DNMBP: variants seen among roughly 807,000 people sequenced by gnomAD.
The protein encoded by DNMBP is dynamin binding protein, also known as dynamin-binding protein.
In DNMBP, 87 loss-of-function variants were observed where a neutral mutation model predicts 150.0. The ratio of observed to expected loss-of-function variants is 0.58; its 90% confidence interval spans 0.49 to 0.69. The LOEUF (loss-of-function observed/expected upper bound fraction) is 0.69, where lower values mean the gene tolerates loss of function less well. Ranked by LOEUF, DNMBP falls within the 30% of genes least tolerant of loss-of-function variation. The pLI, the probability that DNMBP is intolerant of heterozygous loss-of-function variation, is 0.00. For missense variants in DNMBP, 1,774 were observed against 1,949.0 expected (o/e 0.91, Z 1.69); for synonymous variants, 711 against 750.4 (o/e 0.95, Z 0.86).
intron 4 of DNMBP, among the ~76,000 whole-genome samples, chr10:99,953,059 T>C (rs1266981888): frequency 6.6e-6 from 1 of 152,206 alleles, no homozygotes; most frequent in East Asian, 1.9e-4. Flanking sequence ...CTACCTCTTG[T>C]ACTCTTCCTA....
intron 12 of DNMBP, among the ~76,000 whole-genome samples, chr10:99,887,112 G>A (rs899597899): frequency 7.0e-4 from 104 of 148,178 alleles, no homozygotes; most frequent in Admixed American, 3.8e-3. Context: ...TTTTTGAGAC[G>A]GAGTCTTGCT....
chr10:99,957,364 G>A, intron 3 of DNMBP, 159 bp from the exon 4 acceptor site: 1 of 693,480 alleles, frequency 1.4e-6, no homozygotes, highest in Non-Finnish European at 2.4e-6. Flanking sequence ...TATTGAATTG[G>A]AGCAGTTCTA....
chr10:99,895,121 G>GTTTT, intron 10 of DNMBP, 71 bp from the exon 11 acceptor site: 3 of 632,810 alleles, frequency 4.7e-6, no homozygotes, highest in Non-Finnish European at 7.1e-6. Flanking sequence ...AAAGTAGCTT[G>GTTTT]CTTTTTTTTT....
At chr10:99,916,083 A>G (rs1196991284) in intron 4 of DNMBP, among the ~76,000 whole-genome samples, 1 of 152,264 alleles carries the variant, frequency 6.6e-6, no homozygotes, top group Non-Finnish European at 1.5e-5. Context: ...TTTGCCCACA[A>G]TAAGACTGTG....
At position 99,909,205 on chromosome 10, in the gene DNMBP, A is replaced by G. The variant is rs2039870624; in HGVS notation, c.2261-59T>C. The G allele has an allele frequency of 2.1e-6, 3 of 1,400,120 alleles. No homozygotes were observed. The South Asian group carries it at 3.9e-5, about 18-fold the overall frequency. 86.7% of individuals were successfully genotyped at this position (1,400,120 alleles called of 1,614,324 possible). A position where few individuals can be genotyped will look rare whatever the true frequency, so the allele number is the denominator to read the frequency against. On this transcript the variant is annotated intron_variant, in intron 4 of 16. Coordinates refer to ENST00000324109, the MANE Select transcript of DNMBP (RefSeq NM_015221.4). ...GGGTGTAAAAGCAGCACCCTTCCACAGTTTGAGGCAAACAGAACCCATTTC... is the reference window on the plus strand; with the variant it reads ...GGGTGTAAAAGCAGCACCCTTCCACGGTTTGAGGCAAACAGAACCCATTTC...
At chr10:99,973,750 C>T (rs936697087) in intron 1 of DNMBP, among the ~76,000 whole-genome samples, 15 of 152,156 alleles carry the variant, frequency 9.9e-5, no homozygotes, top group South Asian at 6.2e-4. Context: ...GAGGCCAAGG[C>T]GGGCAGATCA....
intron 1 of DNMBP, among the ~76,000 whole-genome samples, chr10:100,009,004 G>A (rs2133399451): frequency 6.6e-6 from 1 of 152,292 alleles, no homozygotes; most frequent in East Asian, 1.9e-4. Flanking sequence ...TTTAATACAA[G>A]ATCTTCATGT....
intron 4 of DNMBP, among the ~76,000 whole-genome samples, chr10:99,911,280 T>A (rs533467053): frequency 1.3e-5 from 2 of 152,026 alleles, no homozygotes; most frequent in South Asian, 4.2e-4. Flanking sequence ...TTTGGGAGTC[T>A]GAGGCTGAGG....
intron 15 of DNMBP, 45 bp downstream of exon 15, chr10:99,883,966 A>ATT (rs112408258): frequency 2.0e-5 from 29 of 1,417,282 alleles, no homozygotes; most frequent in African/African-American, 4.4e-5. Flanking sequence ...CAAAACTACT[A>ATT]TTTTTTTTTT....
chr10:100,008,779 T>C (rs12245488), intron 1 of DNMBP, among the ~76,000 whole-genome samples: 1,871 of 152,278 alleles, frequency 0.012, 35 homozygotes, highest in African/African-American at 0.041. Flanking sequence ...TCGGTATTCA[T>C]GCTGTGAAAG....
chr10:99,887,251 C>T (rs536576885), intron 12 of DNMBP, among the ~76,000 whole-genome samples: 1 of 152,212 alleles, frequency 6.6e-6, no homozygotes, highest in Admixed American at 6.5e-5. Context: ...GAATTTTTCT[C>T]TTGGTTGGGA....
In DNMBP at chr10:99,969,234, T is replaced by G; in HGVS notation, c.149A>C (p.Gln50Pro). The G allele has an allele frequency of 6.2e-7, 1 of 1,613,964 alleles. No individual in the cohort carries two copies. The highest frequency in any genetic ancestry group is 8.5e-7 in the Non-Finnish European group (1 of 1,179,912). ...LLGKKEDVTG[Q>P]FPSSFVEIVT... ...AATTTCCACAAAACTGCTGGGGAAT[T>G]GTCCTGAAAATAAAAGCAAACATAT... is the stretch of plus-strand genomic sequence containing the variant. The change falls in exon 3 of 17, where the codon CAA becomes CCA. Residue 50 changes from glutamine (Q) to proline (P), a missense_variant. Around this residue, in one of 2 missense-constraint regions of DNMBP, gnomAD observed 344 missense variants for 456.6 expected, o/e 0.75. Coordinates refer to ENST00000324109, the MANE Select transcript of DNMBP (RefSeq NM_015221.4).
chr10:100,008,090 C>T (rs908192460), intron 1 of DNMBP, among the ~76,000 whole-genome samples: 2 of 152,066 alleles, frequency 1.3e-5, no homozygotes, highest in African/African-American at 4.8e-5. Flanking sequence ...AGAAAATAAG[C>T]CAAAAGCCAG....
At chr10:99,945,841 C>G (rs1275841457) in intron 4 of DNMBP, among the ~76,000 whole-genome samples, 1 of 152,204 alleles carries the variant, frequency 6.6e-6, no homozygotes, top group African/African-American at 2.4e-5. Context: ...CAAGCAATAT[C>G]AATTTCAATG....
chr10:99,946,012 A>C (rs2040353190), intron 4 of DNMBP, among the ~76,000 whole-genome samples: 1 of 152,186 alleles, frequency 6.6e-6, no homozygotes, highest in African/African-American at 2.4e-5. Context: ...GCTGTAGTGC[A>C]GTGGCACGAT....
intron 3 of DNMBP, among the ~76,000 whole-genome samples, chr10:99,966,325 C>A (rs980401526): frequency 1.3e-5 from 2 of 152,190 alleles, no homozygotes; most frequent in African/African-American, 4.8e-5. Context: ...ATCCCCCTGC[C>A]CACATCCTCT....
At chr10:99,951,972 C>T (rs973229849) in intron 4 of DNMBP, among the ~76,000 whole-genome samples, 23 of 152,078 alleles carry the variant, frequency 1.5e-4, no homozygotes. Flanking sequence ...ATCTTGAATT[C>T]CTATGTGTTG....
intron 11 of DNMBP, among the ~76,000 whole-genome samples, chr10:99,893,360 A>G (rs1446164079): frequency 6.6e-6 from 1 of 152,222 alleles, no homozygotes; most frequent in Non-Finnish European, 1.5e-5. Context: ...TCCAACTACA[A>G]GCGATTTAAA....
At position 99,884,182 on chromosome 10, in the gene DNMBP, G is replaced by A; in HGVS notation, c.3826C>T (p.Leu1276Phe). ...LPSYMLQSEE[L>F]RASLLARYPP... ...TACCTGGCCAGGAGGGAGGCCCGGA[G>A]TTCTTCTGACTGTAGCATGTAACTT... The change falls in exon 15 of 17, where the codon CTC (leucine) becomes TTC (phenylalanine). Residue 1276 changes from leucine (L) to phenylalanine (F), a missense_variant. Physicochemically the swap from Leu to Phe is conservative, Grantham distance 22. This residue lies in a region of DNMBP where 1,430 missense variants were observed against 1,492.5 expected (regional missense o/e 0.96). Coordinates refer to ENST00000324109, the MANE Select transcript of DNMBP (RefSeq NM_015221.4). The A allele has an allele frequency of 1.9e-6, 3 of 1,613,632 alleles. No homozygotes were observed. Among genetic ancestry groups the A allele is most frequent in the Admixed American group, 1.7e-5 (1 of 60,022 alleles).
Sources: allele counts gnomAD v4.1 joint callset (sites outside exome capture counted in the v4.1 genomes callset), GRCh38; gene constraint gnomAD v4.1.1; regional missense constraint gnomAD v4.1.1; transcripts MANE v1.5; gene names NCBI Gene and HGNC (gene_info 2026-07-23, HGNC 2026-07-21).